The following BTBD3 variants were observed in gnomAD, a reference collection of about 807,000 sequenced individuals.
The protein encoded by BTBD3 is BTB/POZ domain-containing protein 3.
BTBD3 carries 14 observed loss-of-function variants against 41.6 expected under a neutral mutation model. That is an observed-to-expected ratio of 0.34 (90% CI 0.22 to 0.53). The LOEUF is 0.53. Ranked by LOEUF, BTBD3 falls within the 20% of genes least tolerant of loss-of-function variation. The probability of loss-of-function intolerance (pLI) is 0.95; values close to 1 mark genes in which losing one functional copy is unlikely to be tolerated. For synonymous variants in BTBD3, 249 were observed against 233.7 expected, an observed-to-expected ratio of 1.07 and a Z score of -0.60; for missense variants, 426 against 654.7, an observed-to-expected ratio of 0.65 and a Z score of 3.81.
intron 1 of BTBD3, among the ~76,000 whole-genome samples, chr20:11,902,037 G>GC (rs2056826798): frequency 6.6e-6 from 1 of 152,064 alleles, no homozygotes. Flanking sequence ...ACTGATGCCT[G>GC]CCCCCACCCC....
chr20:11,908,633 AT>A (rs1379131202), intron 1 of BTBD3, among the ~76,000 whole-genome samples: 3 of 152,024 alleles, frequency 2.0e-5, no homozygotes, highest in Non-Finnish European at 4.4e-5. Context: ...AATTAAAAAA[AT>A]AATTATTTTT....
intron 1 of BTBD3, chr20:11,910,318 CT>C (rs1213747047): frequency 2.6e-5 from 4 of 152,066 alleles, no homozygotes; most frequent in Non-Finnish European, 4.4e-5. Context: ...TTATTTTCTT[CT>C]TCTGTTATTT....
upstream of BTBD3, among the ~76,000 whole-genome samples, chr20:11,915,232 G>A (rs191632280): frequency 2.0e-5 from 3 of 152,072 alleles, no homozygotes; most frequent in Admixed American, 6.5e-5. Flanking sequence ...TGGGGCTGGC[G>A]CTTCCTTTCC....
intron 1 of BTBD3, among the ~76,000 whole-genome samples, chr20:11,904,068 T>C (rs955371216): frequency 2.6e-5 from 4 of 152,236 alleles, no homozygotes; most frequent in Non-Finnish European, 5.9e-5. Flanking sequence ...GGCCCTGATC[T>C]TGTATATAGT....
At chr20:11,921,755 T>G (rs2056971581) in intron 3 of BTBD3, 1 of 152,260 alleles carries the variant, frequency 6.6e-6, no homozygotes, top group South Asian at 2.1e-4. Flanking sequence ...TTAAGTTTTA[T>G]GTGTTTCACT....
At chr20:11,912,314 T>C (rs2056894194) in intron 1 of BTBD3, among the ~76,000 whole-genome samples, 1 of 152,112 alleles carries the variant, frequency 6.6e-6, no homozygotes, top group African/African-American at 2.4e-5. Context: ...AGCCAACAGG[T>C]GGCCTCATGG....
intron 1 of BTBD3, among the ~76,000 whole-genome samples, chr20:11,903,650 C>T (rs1402413787): frequency 6.6e-6 from 1 of 151,966 alleles, no homozygotes; most frequent in Non-Finnish European, 1.5e-5. Flanking sequence ...TCTTGTTGCC[C>T]AGGCTGTATG....
At chr20:11,892,519 C>G (rs2056761562) in intron 1 of BTBD3, 2 of 152,320 alleles carry the variant, frequency 1.3e-5, no homozygotes, top group South Asian at 2.1e-4. Flanking sequence ...TTGAATCACC[C>G]TTTTTCATTT....
At chr20:11,899,018 C>A (rs2056807880) in intron 1 of BTBD3, among the ~76,000 whole-genome samples, 1 of 152,164 alleles carries the variant, frequency 6.6e-6, no homozygotes, top group Non-Finnish European at 1.5e-5. Flanking sequence ...TACCTGGGTT[C>A]CCTGGTAAAT....
intron 1 of BTBD3, among the ~76,000 whole-genome samples, chr20:11,900,578 C>G (rs2056817723): frequency 6.6e-6 from 1 of 151,904 alleles, no homozygotes; most frequent in South Asian, 2.1e-4. Flanking sequence ...AATTTTGGCC[C>G]TCTGCTATGA....
chr20:11,897,757 A>G (rs1316107844), intron 1 of BTBD3, among the ~76,000 whole-genome samples: 2 of 152,200 alleles, frequency 1.3e-5, no homozygotes, highest in Admixed American at 1.3e-4. Context: ...CCATCTGCTT[A>G]ACATCAGAGT....
At chr20:11,912,447 C>T (rs141786056) in intron 1 of BTBD3, among the ~76,000 whole-genome samples, 10 of 152,308 alleles carry the variant, frequency 6.6e-5, no homozygotes, top group African/African-American at 2.4e-4. Flanking sequence ...ACAAATCTTG[C>T]TTATTATTGA....
At chr20:11,907,829 T>C (rs1043074460) in intron 1 of BTBD3, among the ~76,000 whole-genome samples, 1 of 152,122 alleles carries the variant, frequency 6.6e-6, no homozygotes, top group Non-Finnish European at 1.5e-5. Flanking sequence ...TCAAAAGATC[T>C]AATTGGGAAT....
At chr20:11,914,640 A>T (rs993586577), upstream of BTBD3, among the ~76,000 whole-genome samples, 16 of 152,124 alleles carry the variant, frequency 1.1e-4, 1 homozygote, top group Non-Finnish European at 1.6e-4. Context: ...TAAAATAAAA[A>T]AAAAAGAAAA....
intron 3 of BTBD3, among the ~76,000 whole-genome samples, chr20:11,921,119 T>G (rs2056966818): frequency 6.6e-6 from 1 of 152,270 alleles, no homozygotes; most frequent in South Asian, 2.1e-4. Context: ...TTTTTTATAG[T>G]GTTTTCTGTT....
At chr20:11,922,140 T>A (rs988058191) in intron 3 of BTBD3, among the ~76,000 whole-genome samples, 1 of 152,250 alleles carries the variant, frequency 6.6e-6, no homozygotes, top group Admixed American at 6.5e-5. Flanking sequence ...TCCATACTTT[T>A]GATAATCCAT....
intron 1 of BTBD3, among the ~76,000 whole-genome samples, chr20:11,902,813 ACT>A (rs374710114): frequency 1.7e-4 from 26 of 152,256 alleles, no homozygotes; most frequent in African/African-American, 6.3e-4. Context: ...AATTTTGGTA[ACT>A]CTCATAGATG....
intron 1 of BTBD3, among the ~76,000 whole-genome samples, chr20:11,897,484 CAAAAAAAAAA>C (rs71186168): frequency 6.1e-5 from 4 of 65,370 alleles, no homozygotes; most frequent in Admixed American, 2.0e-4. Context: ...GTTATTTAAG[CAAAAAAAAAA>C]AAAAAAAAAA....
chr20:11,893,393 C>T (rs146301677), intron 1 of BTBD3, among the ~76,000 whole-genome samples: 89 of 152,274 alleles, frequency 5.8e-4, no homozygotes, highest in Admixed American at 1.4e-3. Context: ...TTCCCATTTA[C>T]TGTGAGAAAG....
Sources: allele counts gnomAD v4.1 joint callset (sites outside exome capture counted in the v4.1 genomes callset), GRCh38; gene constraint gnomAD v4.1.1; transcripts MANE v1.5; gene names NCBI Gene and HGNC (gene_info 2026-07-23, HGNC 2026-07-21).